SLC22A3: variants seen among roughly 807,000 people sequenced by gnomAD.
SLC22A3 encodes the protein solute carrier family 22 member 3.
Under a neutral mutation model 59.1 loss-of-function variants are expected in SLC22A3, and 51 were observed. That is an observed-to-expected ratio of 0.86 (90% confidence interval 0.69 to 1.09). The LOEUF (loss-of-function observed/expected upper bound fraction) is 1.09, where lower values mean the gene tolerates loss of function less well. SLC22A3 is among the 50% of genes least tolerant of loss of function. The pLI is 0.00. For synonymous variants in SLC22A3, 325 were observed against 292.0 expected, an observed-to-expected ratio of 1.11 and a Z score of -1.15; for missense variants, 711 against 726.3, an observed-to-expected ratio of 0.98 and a Z score of 0.24.
chr6:160,448,684 T>C (rs1002358126), intron 10 of SLC22A3, among the ~76,000 whole-genome samples: 5 of 152,128 alleles, frequency 3.3e-5, no homozygotes, highest in Admixed American at 1.3e-4. Flanking sequence ...AAATTCTTTC[T>C]AATTGTTTGA....
At chr6:160,364,036 T>A (rs181428457) in intron 1 of SLC22A3, among the ~76,000 whole-genome samples, 61 of 152,206 alleles carry the variant, frequency 4.0e-4, no homozygotes, top group African/African-American at 1.4e-3. Flanking sequence ...ATAAAATGTA[T>A]AATAATGAAA....
intron 1 of SLC22A3, among the ~76,000 whole-genome samples, chr6:160,389,241 A>G (rs1562480152): frequency 6.6e-6 from 1 of 152,056 alleles, no homozygotes. Context: ...ATCATGAGCC[A>G]TTTTTTTGTC....
rs406663 is a variant in SLC22A3 at position 160,396,156 on chromosome 6, T to A, written c.430-1823T>A. Among the ~76,000 whole-genome samples the A allele has an allele frequency of 2.6e-3, 392 of 152,338 alleles. 11 individuals carry two copies. The East Asian group carries it at 0.062, about 24-fold the overall frequency. Reference sequence around the variant, plus strand: ...ACCCAAAATTGTACTTTTCCCACTTTGCAAAATTAATCATGCCTCTCTCTC... The same window carrying A: ...ACCCAAAATTGTACTTTTCCCACTTAGCAAAATTAATCATGCCTCTCTCTC... On this transcript the variant is annotated intron_variant, in intron 1 of 10. Coordinates refer to ENST00000275300, the MANE Select transcript of SLC22A3 (RefSeq NM_021977.4).
chr6:160,403,828 A>G (rs3105753), intron 2 of SLC22A3, among the ~76,000 whole-genome samples: 1 of 152,022 alleles, frequency 6.6e-6, no homozygotes, highest in Non-Finnish European at 1.5e-5. Flanking sequence ...TGATCATATC[A>G]ATAGATACAG....
intron 1 of SLC22A3, among the ~76,000 whole-genome samples, chr6:160,390,018 AGCTAT>A (rs1384299049): frequency 6.6e-6 from 1 of 152,244 alleles, no homozygotes; most frequent in Non-Finnish European, 1.5e-5. Context: ...GAAAAACAGT[AGCTAT>A]GCTTGCCAAG....
intron 9 of SLC22A3, among the ~76,000 whole-genome samples, chr6:160,445,258 C>T (rs1282023419): frequency 6.6e-6 from 1 of 152,192 alleles, no homozygotes; most frequent in Admixed American, 6.5e-5. Context: ...GAGGGGCTGG[C>T]TGTGCTCCAG....
Position 160,425,578 on chromosome 6 carries a change from T to C in SLC22A3, c.976-11202T>C, listed in dbSNP as rs575184715. Reference sequence around the variant, plus strand: ...TCCCAATAATAGGTCTTTATTTAACTATACTTATTTTCATCATATAAATAT... The same window carrying C: ...TCCCAATAATAGGTCTTTATTTAACCATACTTATTTTCATCATATAAATAT... On this transcript the variant is annotated intron_variant, in intron 5 of 10. Transcript: ENST00000275300. Among the ~76,000 whole-genome samples, 102 of 152,316 alleles carry C rather than the reference T, an allele frequency of 6.7e-4. 1 individual carries two copies. The highest frequency in any genetic ancestry group is 2.3e-3 in the African/African-American group (96 of 41,582).
At chr6:160,352,102 G>T (rs1257723354) in intron 1 of SLC22A3, among the ~76,000 whole-genome samples, 2 of 152,236 alleles carry the variant, frequency 1.3e-5, no homozygotes, top group African/African-American at 4.8e-5. Context: ...AGATGGGGAG[G>T]CTGTGCTTTC....
rs188171360 is a variant in SLC22A3 at position 160,433,381 on chromosome 6, T to C, written c.976-3399T>C. 3.1e-3 allele frequency among the ~76,000 whole-genome samples: 479 copies of C among 152,274 alleles called. 1 individual carries two copies. The highest frequency in any genetic ancestry group is 5.6e-3 in the Non-Finnish European group (379 of 68,016). On this transcript the variant is annotated intron_variant, in intron 5 of 10. Transcript: ENST00000275300. Reference sequence around the variant, plus strand: ...CATGAACAACTGAAAAATCTACAAATGTGTTTAAATGTCAAATTAGGCTGG... The same window carrying C: ...CATGAACAACTGAAAAATCTACAAACGTGTTTAAATGTCAAATTAGGCTGG...
intron 1 of SLC22A3, among the ~76,000 whole-genome samples, chr6:160,384,128 C>A (rs1028508923): frequency 2.0e-5 from 3 of 152,138 alleles, no homozygotes; most frequent in Non-Finnish European, 4.4e-5. Flanking sequence ...CGGGGTTTTC[C>A]CATGTTGGCT....
Position 160,372,597 on chromosome 6 carries a change from C to T in SLC22A3, c.429+23749C>T, listed in dbSNP as rs144207933. Reference sequence around the variant, plus strand: ...TAATATCCTGAAGAGTGTTTTCCAACTTGGATCCATTCTACCCATCACTTT... The same window carrying T: ...TAATATCCTGAAGAGTGTTTTCCAATTTGGATCCATTCTACCCATCACTTT... On this transcript the variant is annotated intron_variant, in intron 1 of 10. Transcript: ENST00000275300. Among the ~76,000 whole-genome samples, 643 of 152,304 alleles carry T rather than the reference C, an allele frequency of 4.2e-3. 2 individuals are homozygous for T. Among genetic ancestry groups the T allele is most frequent in the Middle Eastern group, 0.014 (4 of 294 alleles).
intron 5 of SLC22A3, among the ~76,000 whole-genome samples, chr6:160,416,407 C>T (rs1041633200): frequency 5.1e-4 from 77 of 151,992 alleles, no homozygotes; most frequent in Non-Finnish European, 1.2e-4. Flanking sequence ...GCTTAGACAC[C>T]TAGTCTGGTG....
intron 1 of SLC22A3, among the ~76,000 whole-genome samples, chr6:160,397,156 G>A (rs926765727): frequency 2.0e-5 from 3 of 152,114 alleles, no homozygotes; most frequent in African/African-American, 7.2e-5. Context: ...GGCTGTTCGG[G>A]GAGATGGTTT....
chr6:160,410,750 T>C lies in SLC22A3; in HGVS notation c.879T>C (p.Arg293=), dbSNP rs757827787. 9 of 1,613,032 alleles carry C rather than the reference T, an allele frequency of 5.6e-6. No homozygotes were observed. The highest frequency in any genetic ancestry group is 1.7e-5 in the Admixed American group (1 of 59,972). ...LYYWVVPESP[R]WLITRKKGDK... is the part of the protein sequence containing the mutation. ...CCAGGGTGGTCCCTGAGTCTCCCCG[T>C]TGGCTGATTACTCGGAAGAAAGGAG... Residue 293 remains arginine, a synonymous_variant, in exon 5 of 11, where the codon CGT becomes CGC. Coordinates refer to ENST00000275300, the MANE Select transcript of SLC22A3 (RefSeq NM_021977.4).
chr6:160,377,431 G>C (rs545500664), intron 1 of SLC22A3, among the ~76,000 whole-genome samples: 3 of 151,908 alleles, frequency 2.0e-5, no homozygotes, highest in African/African-American at 4.8e-5. Context: ...GTTGCAGTGG[G>C]CTGAGATCAT....
In SLC22A3 at chr6:160,410,753, G is replaced by T. The variant is rs1454479840; in HGVS notation, c.882G>T (p.Trp294Cys). Residue 294 changes from tryptophan to cysteine, a missense_variant, in exon 5 of 11, where the codon TGG (tryptophan) becomes TGT (cysteine). Coordinates refer to ENST00000275300, the MANE Select transcript of SLC22A3 (RefSeq NM_021977.4). ...YYWVVPESPR[W>C]LITRKKGDKA... ...GGGTGGTCCCTGAGTCTCCCCGTTGGCTGATTACTCGGAAGAAAGGAGATA... is the reference window on the plus strand; with the variant it reads ...GGGTGGTCCCTGAGTCTCCCCGTTGTCTGATTACTCGGAAGAAAGGAGATA... 1 of 1,613,002 alleles carries T rather than the reference G, an allele frequency of 6.2e-7. No individual in the cohort carries two copies. The highest frequency in any genetic ancestry group is 8.5e-7 in the Non-Finnish European group (1 of 1,179,298).
At chr6:160,355,337 C>T (rs1397836252) in intron 1 of SLC22A3, among the ~76,000 whole-genome samples, 3 of 152,190 alleles carry the variant, frequency 2.0e-5, no homozygotes, top group South Asian at 4.1e-4. Flanking sequence ...CATGTCTCCG[C>T]CTATAGAGGC....
At chr6:160,382,426 C>T (rs982161135) in intron 1 of SLC22A3, among the ~76,000 whole-genome samples, 2 of 152,218 alleles carry the variant, frequency 1.3e-5, no homozygotes, top group African/African-American at 4.8e-5. Context: ...AACAAAGCAA[C>T]TGCAGAAGCT....
At chr6:160,393,293 T>C (rs1786336668) in intron 1 of SLC22A3, among the ~76,000 whole-genome samples, 1 of 151,544 alleles carries the variant, frequency 6.6e-6, no homozygotes, top group Admixed American at 6.6e-5. Flanking sequence ...TATTTATTTA[T>C]TTATTATTAT....
Sources: gnomAD v4.1 joint callset for allele counts (sites outside exome capture counted in the v4.1 genomes callset) on GRCh38, gnomAD v4.1.1 for gene constraint, MANE v1.5 for transcripts, NCBI Gene and HGNC (gene_info 2026-07-23, HGNC 2026-07-21) for gene names.